RYR2: variants seen among roughly 807,000 people sequenced by gnomAD.
The protein encoded by RYR2 is ryanodine receptor 2, also known as cardiac muscle ryanodine receptor-calcium release channel.
Under a neutral mutation model 601.1 loss-of-function variants are expected in RYR2, and 227 were observed. That is an observed-to-expected ratio of 0.38 (90% confidence interval 0.34 to 0.42). The LOEUF is 0.42. Among genes scored for constraint, RYR2 ranks in the 10% least tolerant of loss-of-function variants. The probability of loss-of-function intolerance (pLI) is 1.00; values close to 1 mark genes in which losing one functional copy is unlikely to be tolerated. For missense variants in RYR2, 4,646 were observed against 6,156.5 expected, an observed-to-expected ratio of 0.75 and a Z score of 8.21; for synonymous variants, 2,223 against 2,175.1, an observed-to-expected ratio of 1.02 and a Z score of -0.61.
intron 38 of RYR2, among the ~76,000 whole-genome samples, chr1:237,622,319 A>G (rs1257947880): frequency 1.3e-5 from 2 of 152,228 alleles, no homozygotes; most frequent in African/African-American, 2.4e-5. Flanking sequence ...CATGCCGAAT[A>G]TGAAAATTCA....
At chr1:237,295,952 CTAA>C (rs1350266677) in intron 2 of RYR2, among the ~76,000 whole-genome samples, 3 of 152,082 alleles carry the variant, frequency 2.0e-5, no homozygotes, top group African/African-American at 4.8e-5. Context: ...AACCATTTAG[CTAA>C]TAATTAGTGA....
chr1:237,185,804 A>C (rs971536818), intron 1 of RYR2, among the ~76,000 whole-genome samples: 1 of 152,202 alleles, frequency 6.6e-6, no homozygotes, highest in South Asian at 2.1e-4. Context: ...AAGTGAGTCC[A>C]AAGTGAGTGA....
At chr1:237,665,714 TGTTATTA>T (rs2148869078) in intron 56 of RYR2, among the ~76,000 whole-genome samples, 1 of 152,326 alleles carries the variant, frequency 6.6e-6, no homozygotes, top group South Asian at 2.1e-4. Context: ...CTCATGAGCC[TGTTATTA>T]GTTATAGCAT....
intron 83 of RYR2, 42 bp from the exon 84 acceptor site, chr1:237,760,913 C>G (rs748941097): frequency 3.1e-6 from 4 of 1,282,912 alleles, no homozygotes; most frequent in Non-Finnish European, 4.4e-6. Context: ...AGAAAATGTT[C>G]TATTAGTCCT....
At chr1:237,305,512 G>A (rs758376415) in intron 2 of RYR2, among the ~76,000 whole-genome samples, 6 of 152,192 alleles carry the variant, frequency 3.9e-5, no homozygotes, top group Non-Finnish European at 5.9e-5. Context: ...GCTTACTGCA[G>A]CCTGGACCTC....
chr1:237,341,450 T>C (rs1020487538), intron 3 of RYR2, among the ~76,000 whole-genome samples: 1 of 152,146 alleles, frequency 6.6e-6, no homozygotes, highest in Non-Finnish European at 1.5e-5. Flanking sequence ...AAACAACAAT[T>C]AACACTCCTT....
chr1:237,683,297 A>T (rs2148949771), intron 62 of RYR2, among the ~76,000 whole-genome samples: 2 of 152,352 alleles, frequency 1.3e-5, no homozygotes, highest in African/African-American at 4.8e-5. Flanking sequence ...AGATGTTTAG[A>T]TACTTCCTGG....
chr1:237,470,715 T>C (rs1660623379), intron 17 of RYR2, among the ~76,000 whole-genome samples: 3 of 151,996 alleles, frequency 2.0e-5, no homozygotes, highest in Admixed American at 2.0e-4. Flanking sequence ...TTGTCTGGGG[T>C]AAATACCTGA....
rs1362490511 is a variant in RYR2 at position 237,180,009 on chromosome 1, G to C, written c.49-90488G>C. Among the ~76,000 whole-genome samples the C allele has an allele frequency of 1.3e-5, 2 of 152,148 alleles. No homozygotes were observed. The highest frequency in any genetic ancestry group is 3.9e-4 in the East Asian group (2 of 5,192). On this transcript the variant is annotated intron_variant, in intron 1 of 104. Transcript: ENST00000366574. The surrounding 1 kb of genome is among the most constrained non-coding windows in gnomAD (Gnocchi z 5.3). ...CAGTGGCTTTCTGATCAAATTTCGG[G>C]TCTTGACACAGCAAGTGATAAAGCT...
intron 2 of RYR2, among the ~76,000 whole-genome samples, chr1:237,306,682 G>A (rs2149473001): frequency 6.6e-6 from 1 of 151,994 alleles, no homozygotes; most frequent in South Asian, 2.1e-4. Context: ...TTGTCTTTGT[G>A]GCATTAAAAA....
Position 237,589,961 on chromosome 1 carries a change from C to T in RYR2, c.3767C>T (p.Pro1256Leu), listed in dbSNP as rs773915323. Residue 1256 changes from proline to leucine, a missense_variant, in exon 30 of 105, where the codon CCT becomes CTT. By Grantham distance (98) the Pro-to-Leu change is moderately conservative. Around this residue, in one of 17 missense-constraint regions of RYR2, gnomAD observed 1,807 missense variants for 2,088.1 expected, o/e 0.87. Transcript: ENST00000366574. ...DITMWLSKRL[P>L]QFLQVPSNHE... Reference sequence around the variant, plus strand: ...ACCATGTGGCTGAGCAAGAGGCTTCCTCAGTTTCTTCAAGTTCCATCAAAC... The same window carrying T: ...ACCATGTGGCTGAGCAAGAGGCTTCTTCAGTTTCTTCAAGTTCCATCAAAC... 2.0e-5 allele frequency: 33 copies of T among 1,613,752 alleles called. No individual in the cohort carries two copies. The highest frequency in any genetic ancestry group is 2.5e-5 in the Non-Finnish European group (30 of 1,179,872).
In RYR2 at chr1:237,723,178, A is replaced by T. The variant is rs773285341; in HGVS notation, c.10605A>T (p.Pro3535=). The T allele has an allele frequency of 6.2e-7, 1 of 1,612,122 alleles. No individual in the cohort carries two copies. Among genetic ancestry groups the T allele is most frequent in the Non-Finnish European group, 8.5e-7 (1 of 1,178,500 alleles). ...RWQMALYKDL[P]NRTDDTSDPE... is the part of the protein sequence containing the mutation. ...AAATGGCTCTTTACAAAGACTTACC[A>T]AACAGGACTGATGATACCTCAGATC... The change falls in exon 74 of 105, where the codon CCA becomes CCT. Residue 3535 remains proline, a synonymous_variant. Coordinates refer to ENST00000366574, the MANE Select transcript of RYR2 (RefSeq NM_001035.3).
chr1:237,245,797 T>G (rs1316843581), intron 1 of RYR2, among the ~76,000 whole-genome samples: 2 of 152,246 alleles, frequency 1.3e-5, no homozygotes, highest in Non-Finnish European at 2.9e-5. Flanking sequence ...TTTTTATTTT[T>G]TTGAGACAGA....
At chr1:237,192,008 G>A (rs1680013710) in intron 1 of RYR2, among the ~76,000 whole-genome samples, 3 of 151,996 alleles carry the variant, frequency 2.0e-5, no homozygotes, top group Non-Finnish European at 4.4e-5. Context: ...CTTATCACCT[G>A]CTGTGAAGTA....
At chr1:237,407,615 T>G (rs1435369891) in intron 10 of RYR2, among the ~76,000 whole-genome samples, 3 of 150,340 alleles carry the variant, frequency 2.0e-5, no homozygotes, top group South Asian at 2.1e-4. Context: ...GGTTGTTTTT[T>G]TTTTTTTTTT....
chr1:237,208,245 A>G (rs1682035247), intron 1 of RYR2, among the ~76,000 whole-genome samples: 1 of 152,244 alleles, frequency 6.6e-6, no homozygotes. Flanking sequence ...AACAGGTGCT[A>G]TCCTCATGGA....
intron 35 of RYR2, among the ~76,000 whole-genome samples, chr1:237,609,545 G>A: frequency 6.6e-6 from 1 of 151,760 alleles, no homozygotes; most frequent in Non-Finnish European, 1.5e-5. Context: ...TTTTTTACAG[G>A]CGAATTTTTG....
At position 237,452,329 on chromosome 1, in the gene RYR2, A is replaced by G. The variant is rs191423467; in HGVS notation, c.1293-2062A>G. ...TATTAGTATATGTATTATATGCTAT[A>G]CTACATAATAGTATAATTAACAATT... On this transcript the variant is annotated intron_variant, in intron 14 of 104. Transcript: ENST00000366574. 1.6e-3 allele frequency among the ~76,000 whole-genome samples: 239 copies of G among 146,520 alleles called. 8 individuals are homozygous for G. The East Asian group carries it at 0.043, about 26-fold the overall frequency.
At chr1:237,542,133 G>A (rs2148036546) in intron 25 of RYR2, among the ~76,000 whole-genome samples, 1 of 151,558 alleles carries the variant, frequency 6.6e-6, no homozygotes, top group African/African-American at 2.4e-5. Context: ...CACTCTTGTT[G>A]CCCAGGCTGG....
Sources: gnomAD v4.1 joint callset for allele counts (sites outside exome capture counted in the v4.1 genomes callset) on GRCh38, gnomAD v4.1.1 for gene constraint, gnomAD v4.1.1 regional missense constraint, Gnocchi (gnomAD v3.1) non-coding constraint, MANE v1.5 for transcripts, NCBI Gene and HGNC (gene_info 2026-07-23, HGNC 2026-07-21) for gene names.